Variants in PLCD1 observed in about 807,000 individuals in gnomAD.
PLCD1 encodes the protein 1-phosphatidylinositol 4,5-bisphosphate phosphodiesterase delta-1.
In PLCD1, 71 loss-of-function variants were observed where a neutral mutation model predicts 87.4. The ratio of observed to expected loss-of-function variants is 0.81; its 90% CI spans 0.67 to 0.99. The LOEUF is 0.99. Ranked by LOEUF, PLCD1 falls within the 50% of genes least tolerant of loss-of-function variation. PLCD1 has a pLI of 0.00. For synonymous variants in PLCD1, 348 were observed against 399.2 expected (o/e 0.87, Z 1.53); for missense variants, 867 against 1,001.5 (o/e 0.87, Z 1.81).
chr3:38,009,345 G>A lies in PLCD1; in HGVS notation c.1533C>T (p.Gly511=). The A allele has an allele frequency of 1.9e-6, 3 of 1,613,984 alleles. No individual in the cohort carries two copies. Among genetic ancestry groups the A allele is most frequent in the Non-Finnish European group, 2.5e-6 (3 of 1,179,810 alleles). ...TCTCGTAGAAGGCCTGTCCAGGGGT[G>A]CCAGGACTGGAGAAGCCCCCAAAGT... The part of the protein sequence containing the change: ...SVHFGGFSSP[G]TPGQAFYEMA... The change falls in exon 10 of 15, where the codon GGC becomes GGT. Residue 511 remains glycine (G), a synonymous_variant. Transcript: ENST00000334661.
At chr3:38,021,884 C>G (rs1700238718) in intron 1 of PLCD1, among the ~76,000 whole-genome samples, 1 of 152,140 alleles carries the variant, frequency 6.6e-6, no homozygotes, top group African/African-American at 2.4e-5. Flanking sequence ...ATCCATACCC[C>G]CTCCCCCAGC....
Position 38,008,386 on chromosome 3 carries a change from CA to C in PLCD1, c.1903-20del. 3 of 1,614,208 alleles carry C rather than the reference CA, an allele frequency of 1.9e-6. No individual in the cohort carries two copies. Among genetic ancestry groups the C allele is most frequent in the Non-Finnish European group, 2.5e-6 (3 of 1,180,030 alleles). On this transcript the variant is annotated intron_variant, in intron 12 of 14. Transcript: ENST00000334661. The stretch of plus-strand genomic sequence containing the variant: ...AAATGACCTGAGGAAAGGCAGAGGA[CA>C]ATGGACAGTTCAGGAGTGGTAGCGG...
At chr3:38,011,500 G>C (rs750404813) in intron 4 of PLCD1, 44 bp downstream of exon 4, 1 of 1,613,904 alleles carries the variant, frequency 6.2e-7, no homozygotes, top group Non-Finnish European at 8.5e-7. Context: ...CCGGGGTCAA[G>C]GGCCCCATGG....
At chr3:38,024,634 G>A (rs1048283845) in intron 1 of PLCD1, 6 of 1,519,424 alleles carry the variant, frequency 3.9e-6, no homozygotes, top group Non-Finnish European at 5.3e-6. Flanking sequence ...CGGGACGAGA[G>A]GGAAATCTGG....
intron 1 of PLCD1, among the ~76,000 whole-genome samples, 171 bp downstream of exon 1, chr3:38,029,335 C>A (rs1700338997): frequency 6.6e-6 from 1 of 152,080 alleles, no homozygotes; most frequent in Admixed American, 6.5e-5. Context: ...GCAGTCCCAC[C>A]CAGGGAGCCG....
In PLCD1 at chr3:38,008,090, C is replaced by G. The variant is rs1699994336; in HGVS notation, c.2109G>C (p.Leu703Phe). The G allele has an allele frequency of 6.2e-7, 1 of 1,614,190 alleles. No individual in the cohort carries two copies. Reference protein sequence around the residue: ...VVPDLALIRFLVEDYDASSKN... With the variant: ...VVPDLALIRFFVEDYDASSKN... ...TGGAGGAGGCATCATAATCTTCCAC[C>G]AAGAAGCGGATGAGGGCAAGGTCAG... The change falls in exon 14 of 15, where the codon TTG becomes TTC. Residue 703 changes from leucine to phenylalanine, a missense_variant. By Grantham distance (22) the Leu-to-Phe change is conservative (BLOSUM62 0). Coordinates refer to ENST00000334661, the MANE Select transcript of PLCD1 (RefSeq NM_006225.4).
chr3:38,019,226 G>C (rs571479819), intron 2 of PLCD1, among the ~76,000 whole-genome samples: 1 of 152,310 alleles, frequency 6.6e-6, no homozygotes, highest in Non-Finnish European at 1.5e-5. Flanking sequence ...GCCTGGCTAT[G>C]TGAAACCCAG....
At position 38,018,734 on chromosome 3, in the gene PLCD1, C is replaced by T. The variant is rs1315073468; in HGVS notation, c.199+1454G>A. The stretch of plus-strand genomic sequence containing the variant: ...CACCCACCAGCATCTAACAGGAAAT[C>T]CCATATCAGGGCAAGAGCCCCATGA... On this transcript the variant is annotated intron_variant, in intron 2 of 14. Transcript: ENST00000334661. This position sits in a 1 kb window ranked among gnomAD's most constrained non-coding sequence, Gnocchi z 5.7. Among the ~76,000 whole-genome samples the T allele has an allele frequency of 6.6e-6, 1 of 152,188 alleles. No individual in the cohort carries two copies. The highest frequency in any genetic ancestry group is 1.5e-5 in the Non-Finnish European group (1 of 68,022).
intron 3 of PLCD1, among the ~76,000 whole-genome samples, chr3:38,011,911 C>A (rs1028295201): frequency 6.6e-6 from 1 of 152,114 alleles, no homozygotes; most frequent in Non-Finnish European, 1.5e-5. Context: ...TACAAAAGGG[C>A]CCACTGTAGA....
In PLCD1 at chr3:38,010,477, G is replaced by T; in HGVS notation, c.876C>A (p.Arg292=). The T allele has an allele frequency of 6.2e-7, 1 of 1,614,126 alleles. No homozygotes were observed. The highest frequency in any genetic ancestry group is 8.5e-7 in the Non-Finnish European group (1 of 1,179,958). ...GCTGGCCCATGTCCTGGTAGACACG[G>T]CGGTGTGCCAGGCTGAAGGCGCTGC... The part of the protein sequence containing the change: ...ADGSAFSLAH[R]RVYQDMGQPL... The change falls in exon 6 of 15, where the codon CGC becomes CGA. Residue 292 remains arginine, a synonymous_variant. Coordinates refer to ENST00000334661, the MANE Select transcript of PLCD1 (RefSeq NM_006225.4).
Position 38,008,555 on chromosome 3 carries a change from A to G in PLCD1, c.1805T>C (p.Val602Ala). 2 of 1,614,186 alleles carry G rather than the reference A, an allele frequency of 1.2e-6. No homozygotes were observed. Among genetic ancestry groups the G allele is most frequent in the Non-Finnish European group, 1.7e-6 (2 of 1,180,004 alleles). The change falls in exon 12 of 15, where the codon GTG becomes GCG. Residue 602 changes from valine to alanine, a missense_variant. Coordinates refer to ENST00000334661, the MANE Select transcript of PLCD1 (RefSeq NM_006225.4). ...RFQDNGACGY[V>A]LKPAFLRDPN... ...GTCTCGCAGGAAGGCGGGCTTCAGC[A>G]CGTACCCACAGGCCCCGTTGTCCTG...
chr3:38,009,021 C>T (rs377624440), intron 11 of PLCD1, 21 bp downstream of exon 11: 244 of 1,593,900 alleles, frequency 1.5e-4, no homozygotes, highest in Non-Finnish European at 2.1e-4. Context: ...CAGGCCTCCT[C>T]CAGCCCCAGC....
Position 38,022,114 on chromosome 3 carries a change from T to A in PLCD1, c.35-1762A>T, listed in dbSNP as rs1474117719. On this transcript the variant is annotated intron_variant, in intron 1 of 14. Coordinates refer to ENST00000334661, the MANE Select transcript of PLCD1 (RefSeq NM_006225.4). ...GGCTAAGAACAGTGTAGGGGAGGCA[T>A]CCCTGGGCCTCCTCAGGGGTGACAG... Among the ~76,000 whole-genome samples the A allele has an allele frequency of 2.0e-5, 3 of 152,190 alleles. No homozygotes were observed. In the South Asian group the frequency reaches 6.2e-4, roughly 31 times the overall value.
chr3:38,010,040 G>C lies in PLCD1; in HGVS notation c.1151C>G (p.Pro384Arg), dbSNP rs776292702. 6.2e-7 allele frequency: 1 copy of C among 1,614,090 alleles called. No homozygotes were observed. The highest frequency in any genetic ancestry group is 1.3e-5 in the African/African-American group (1 of 74,940). ...RDYAFKASPYPVILSLENHCT... is the reference protein window; with the variant it reads ...RDYAFKASPYRVILSLENHCT... ...GTGGTTCTCCAGGGATAGGATGACA[G>C]GGTAGGGGGACGCCTGGAGGCCCAA... The change falls in exon 8 of 15, where the codon CCT becomes CGT. Residue 384 changes from proline (P) to arginine (R), a missense_variant. By Grantham distance (103) the Pro-to-Arg change is moderately radical. Transcript: ENST00000334661.
chr3:38,011,361 C>A lies in PLCD1; in HGVS notation c.643G>T (p.Asp215Tyr). The change falls in exon 5 of 15, where the codon GAC becomes TAC. Residue 215 changes from aspartate to tyrosine, a missense_variant. Physicochemically the swap from Asp to Tyr is radical, Grantham distance 160. Transcript: ENST00000334661. ...CCCGCGGCCTCGGCGAAGGTGCGGT[C>A]GATCTCCACCCGCTGGGTCAGCATC... is the stretch of plus-strand genomic sequence containing the variant. ...YKMLTQRVEI[D>Y]RTFAEAAGSG... The A allele has an allele frequency of 6.2e-7, 1 of 1,612,966 alleles. No homozygotes were observed. The highest frequency in any genetic ancestry group is 8.5e-7 in the Non-Finnish European group (1 of 1,180,022).
intron 1 of PLCD1, chr3:38,024,119 A>C (rs1368315099): frequency 1.8e-6 from 1 of 541,806 alleles, no homozygotes; most frequent in African/African-American, 1.9e-5. Context: ...GCTGAGTTAA[A>C]TAATGAGAAG....
chr3:38,007,580 A>C lies in PLCD1; in HGVS notation c.*193T>G. 1.4e-6 allele frequency: 1 copy of C among 699,188 alleles called. No individual in the cohort carries two copies. Among genetic ancestry groups the C allele is most frequent in the Non-Finnish European group, 2.6e-6 (1 of 383,556 alleles). The allele number at this position is 699,188 out of a possible 1,614,324, so 43.3% of individuals were successfully genotyped here. A position where few individuals can be genotyped will look rare whatever the true frequency, so the allele number is the denominator to read the frequency against. ...GGGCTGCAGTGTTATTCCTAACGGA[A>C]TGAAGGACAGCTCCAGGGACTGGGC... On this transcript the variant is annotated 3_prime_UTR_variant, in exon 15 of 15. Coordinates refer to ENST00000334661, the MANE Select transcript of PLCD1 (RefSeq NM_006225.4).
At position 38,017,361 on chromosome 3, in the gene PLCD1, G is replaced by T. The variant is rs1700173914; in HGVS notation, c.200-642C>A. ...GAGACAGGGTCGTGCCCTGTGTGCA[G>T]CTGTGTGTGTCCTGACTTCAGGGAG... On this transcript the variant is annotated intron_variant, in intron 2 of 14. Coordinates refer to ENST00000334661, the MANE Select transcript of PLCD1 (RefSeq NM_006225.4). This position sits in a 1 kb window ranked among gnomAD's most constrained non-coding sequence, Gnocchi z 4.7. Among the ~76,000 whole-genome samples the T allele has an allele frequency of 6.6e-6, 1 of 152,202 alleles. No homozygotes were observed. The highest frequency in any genetic ancestry group is 1.5e-5 in the Non-Finnish European group (1 of 68,014).
intron 9 of PLCD1, 43 bp downstream of exon 9, chr3:38,009,609 TG>T: frequency 6.2e-7 from 1 of 1,611,990 alleles, no homozygotes; most frequent in Non-Finnish European, 8.5e-7. Context: ...GGTGAGGGGA[TG>T]GGGAAGGCCC....
Sources: gnomAD v4.1 joint callset for allele counts (sites outside exome capture counted in the v4.1 genomes callset) on GRCh38, gnomAD v4.1.1 for gene constraint, Gnocchi (gnomAD v3.1) non-coding constraint, MANE v1.5 for transcripts, NCBI Gene and HGNC (gene_info 2026-07-23, HGNC 2026-07-21) for gene names.